Variants in TEX9 observed in about 807,000 individuals in gnomAD.
The protein encoded by TEX9 is testis-expressed protein 9.
In TEX9, 74 loss-of-function variants were observed where a neutral mutation model predicts 59.6. The observed-to-expected ratio is 1.24, with a 90% CI of 1.03 to 1.51. The LOEUF (loss-of-function observed/expected upper bound fraction) is 1.51. Ranked by LOEUF, TEX9 falls within the 40% of genes most tolerant of loss-of-function variation. The pLI, the probability that TEX9 is intolerant of heterozygous loss-of-function variation, is 0.00. For missense variants in TEX9, 522 were observed against 447.8 expected, an observed-to-expected ratio of 1.17 and a Z score of -1.49; for synonymous variants, 186 against 152.2, an observed-to-expected ratio of 1.22 and a Z score of -1.64.
intron 1 of TEX9, among the ~76,000 whole-genome samples, chr15:56,289,434 G>A (rs2045032826): frequency 6.6e-6 from 1 of 152,202 alleles, no homozygotes; most frequent in African/African-American, 2.4e-5. Context: ...TGGGTAGGGT[G>A]CAGCAGTTCT....
At chr15:56,375,103 G>A (rs35357024) in intron 3 of TEX9, among the ~76,000 whole-genome samples, 72,279 of 151,662 alleles carry the variant, frequency 0.48, 17,332 homozygotes, top group South Asian at 0.63. Context: ...GACTTCCACA[G>A]TGGTTGAACT....
chr15:56,325,505 A>G lies in TEX9; in HGVS notation c.-106-47936A>G, dbSNP rs180959567. Among the ~76,000 whole-genome samples, 4 of 152,276 alleles carry G rather than the reference A, an allele frequency of 2.6e-5. No individual in the cohort carries two copies. The East Asian group carries it at 5.8e-4, about 22-fold the overall frequency. On this transcript the variant is annotated intron_variant, in intron 1 of 5. Coordinates refer to the TEX9 transcript ENST00000560827. ...CATACTTAACCTCTTACCCATTTCTATGATACCATATTTTTAAAATCTCCT... is the reference window on the plus strand; with the variant it reads ...CATACTTAACCTCTTACCCATTTCTGTGATACCATATTTTTAAAATCTCCT...
intron 1 of TEX9, among the ~76,000 whole-genome samples, chr15:56,249,742 C>CAAAAAAAA (rs11440856): frequency 5.1e-4 from 13 of 25,462 alleles, no homozygotes; most frequent in Non-Finnish European, 7.6e-4. Flanking sequence ...GGATCTGTCT[C>CAAAAAAAA]AAAAAAAAAA....
chr15:56,323,987 C>G (rs1482357763), intron 1 of TEX9, among the ~76,000 whole-genome samples: 1 of 151,692 alleles, frequency 6.6e-6, no homozygotes, highest in Non-Finnish European at 1.5e-5. Context: ...GATATCATGC[C>G]CTGGTAGTAT....
At chr15:56,426,567 T>G (rs1330394786) in intron 10 of TEX9, among the ~76,000 whole-genome samples, 2 of 115,614 alleles carry the variant, frequency 1.7e-5, no homozygotes, top group African/African-American at 2.8e-5. Context: ...GAGGTGTTTT[T>G]TTTTTTTTTT....
the TEX9 span, among the ~76,000 whole-genome samples, chr15:56,454,997 C>G: frequency 6.6e-6 from 1 of 152,136 alleles, no homozygotes; most frequent in African/African-American, 2.4e-5. Context: ...TGGCCAAGCT[C>G]TGCTTCACTT....
At chr15:56,355,095 C>A (rs549808890) in intron 1 of TEX9, among the ~76,000 whole-genome samples, 1 of 152,290 alleles carries the variant, frequency 6.6e-6, no homozygotes, top group African/African-American at 2.4e-5. Context: ...TTCCTCATGG[C>A]CCCTTGCAGT....
chr15:56,446,843 T>C (rs568771148), downstream of TEX9: 67 of 1,595,810 alleles, frequency 4.2e-5, no homozygotes, highest in East Asian at 1.5e-3. Context: ...ATGATTACCA[T>C]TTGTTCATAT....
At chr15:56,309,272 G>C (rs1351797964) in intron 1 of TEX9, among the ~76,000 whole-genome samples, 2 of 152,090 alleles carry the variant, frequency 1.3e-5, no homozygotes, top group Non-Finnish European at 2.9e-5. Flanking sequence ...TATTAAGAAA[G>C]GATGTTGGAA....
chr15:56,319,899 A>C (rs1235922495), intron 1 of TEX9, among the ~76,000 whole-genome samples: 1 of 152,206 alleles, frequency 6.6e-6, no homozygotes, highest in East Asian at 1.9e-4. Context: ...GGTTTGTTGA[A>C]TGTGAGGTAG....
intron 12 of TEX9, chr15:56,429,143 C>A: frequency 6.2e-7 from 1 of 1,602,960 alleles, no homozygotes; most frequent in Non-Finnish European, 8.5e-7. Flanking sequence ...GATATACTTT[C>A]CTGAACTCTT....
chr15:56,434,997 A>C (rs1259683497), intron 12 of TEX9, among the ~76,000 whole-genome samples: 1 of 152,134 alleles, frequency 6.6e-6, no homozygotes, highest in Non-Finnish European at 1.5e-5. Context: ...TTTATTATGA[A>C]AAATTTCATA....
At chr15:56,344,746 C>T (rs962519498) in intron 1 of TEX9, among the ~76,000 whole-genome samples, 1 of 151,934 alleles carries the variant, frequency 6.6e-6, no homozygotes, top group African/African-American at 2.4e-5. Context: ...TAGGAAAACA[C>T]TTGCTTCTAT....
intron 1 of TEX9, among the ~76,000 whole-genome samples, chr15:56,264,493 T>TAA (rs1468656065): frequency 6.6e-6 from 1 of 152,220 alleles, no homozygotes; most frequent in Non-Finnish European, 1.5e-5. Context: ...CTTTAAATGA[T>TAA]AAGAGTTTTT....
chr15:56,381,596 G>T (rs1245357863), intron 3 of TEX9, among the ~76,000 whole-genome samples: 1 of 152,102 alleles, frequency 6.6e-6, no homozygotes, highest in Non-Finnish European at 1.5e-5. Flanking sequence ...ATATCACTAG[G>T]GTTTTTGCAG....
chr15:56,337,400 G>GA (rs1283487331), intron 1 of TEX9, among the ~76,000 whole-genome samples: 1 of 152,148 alleles, frequency 6.6e-6, no homozygotes, highest in Non-Finnish European at 1.5e-5. Flanking sequence ...AAGAGACTGT[G>GA]AAAATAAGTA....
At chr15:56,443,481 T>C (rs772629037) in intron 12 of TEX9, 1 of 1,600,138 alleles carries the variant, frequency 6.2e-7, no homozygotes, top group Non-Finnish European at 8.5e-7. Context: ...ATAATTCTTG[T>C]CGCACTTGTT....
chr15:56,248,187 A>G (rs77647035), intron 1 of TEX9, among the ~76,000 whole-genome samples: 171 of 152,324 alleles, frequency 1.1e-3, no homozygotes, highest in African/African-American at 4.1e-3. Flanking sequence ...AAATAAAAGC[A>G]GCAGCAAGAT....
chr15:56,445,792 T>A (rs1374102256), exon 13 of TEX9: 1 of 152,036 alleles, frequency 6.6e-6, no homozygotes, highest in Non-Finnish European at 1.5e-5. Context: ...TAGCAGCAAT[T>A]CTCGTAGGAG....
Sources: gnomAD v4.1 joint callset for allele counts (sites outside exome capture counted in the v4.1 genomes callset) on GRCh38, gnomAD v4.1.1 for gene constraint, MANE v1.5 for transcripts, NCBI Gene and HGNC (gene_info 2026-07-23, HGNC 2026-07-21) for gene names.